PRRG1: variants seen among roughly 807,000 people sequenced by gnomAD.
PRRG1 encodes the protein transmembrane gamma-carboxyglutamic acid protein 1.
A neutral mutation model predicts 11.8 loss-of-function variants in PRRG1; 5 were observed. That is an observed-to-expected ratio of 0.42 (90% CI 0.22 to 0.89). The LOEUF (loss-of-function observed/expected upper bound fraction) is 0.89. Among genes scored for constraint, PRRG1 ranks in the 40% least tolerant of loss-of-function variants. The pLI is 0.28. For missense variants in PRRG1, 155 were observed against 166.1 expected (o/e 0.93, Z 0.37); for synonymous variants, 66 against 60.4 (o/e 1.09, Z -0.43).
At chrX:37,429,058 C>T (rs1212062094) in intron 3 of PRRG1, among the ~76,000 whole-genome samples, 3 of 112,386 alleles carry the variant, frequency 2.7e-5, no homozygotes, top group African/African-American at 9.7e-5. Flanking sequence ...AGTCCCTAGG[C>T]TGCACACAGC....
intron 1 of PRRG1, among the ~76,000 whole-genome samples, chrX:37,370,284 C>A (rs529669041): frequency 1.8e-5 from 2 of 112,236 alleles, no homozygotes; most frequent in South Asian, 7.5e-4. Flanking sequence ...ATTGTGAACA[C>A]TGCTGCAATG....
At chrX:37,350,725 C>G (rs976867935) in intron 1 of PRRG1, among the ~76,000 whole-genome samples, 3 of 111,106 alleles carry the variant, frequency 2.7e-5, no homozygotes, top group African/African-American at 9.9e-5. Context: ...TCCTCTCCAC[C>G]CCTTTCCCTC....
chrX:37,450,992 T>TTTTTTTTTTGTTTTGTTTTG (rs1921108963), intron 3 of PRRG1, among the ~76,000 whole-genome samples: 2 of 106,500 alleles, frequency 1.9e-5, no homozygotes, highest in Non-Finnish European at 3.9e-5. Flanking sequence ...ATTTTTGCTG[T>TTTTTTTTTTGTTTTGTTTTG]TTTTGTTTTG....
chrX:37,375,127 GTTA>G (rs1291748795), intron 1 of PRRG1, among the ~76,000 whole-genome samples: 6 of 111,694 alleles, frequency 5.4e-5, no homozygotes, highest in Non-Finnish European at 1.1e-4. Flanking sequence ...GTATCCCCCT[GTTA>G]TTATACAGGA....
chrX:37,435,502 G>T (rs921465764), intron 3 of PRRG1, among the ~76,000 whole-genome samples: 1 of 110,267 alleles, frequency 9.1e-6, no homozygotes, highest in African/African-American at 3.3e-5. Flanking sequence ...ATCAGCGGGT[G>T]GGGGGAGGTG....
intron 3 of PRRG1, among the ~76,000 whole-genome samples, chrX:37,434,570 T>G: frequency 8.9e-6 from 1 of 112,120 alleles, no homozygotes. Context: ...GTGTCTGAGC[T>G]CTGCCATCTA....
intron 1 of PRRG1, among the ~76,000 whole-genome samples, chrX:37,395,761 G>A (rs1358864773): frequency 2.7e-5 from 3 of 111,410 alleles, no homozygotes; most frequent in Non-Finnish European, 5.7e-5. Flanking sequence ...TTTCCAAAAG[G>A]TAGATAAAAT....
At chrX:37,366,610 C>T (rs976156438) in intron 1 of PRRG1, among the ~76,000 whole-genome samples, 1 of 112,145 alleles carries the variant, frequency 8.9e-6, no homozygotes, top group African/African-American at 3.2e-5. Flanking sequence ...GTGTGGCAAG[C>T]CAACCTAACA....
intron 3 of PRRG1, chrX:37,440,705 G>A (rs782187919): frequency 1.0e-5 from 5 of 497,238 alleles, no homozygotes; most frequent in Non-Finnish European, 1.4e-5. Flanking sequence ...ATTAACCTAG[G>A]TTTTATATTA....
intron 1 of PRRG1, among the ~76,000 whole-genome samples, chrX:37,352,845 A>G (rs138944534): frequency 0.019 from 2,126 of 111,887 alleles, 47 homozygotes; most frequent in African/African-American, 0.065. Flanking sequence ...TATGGACAAC[A>G]TGTGTGATGG....
In PRRG1 at chrX:37,398,003, CACACACACACACAT is replaced by C. The variant is rs1463023577; in HGVS notation, c.-41-8201_-41-8188del. Among the ~76,000 whole-genome samples, 254 of 100,153 alleles carry C rather than the reference CACACACACACACAT, an allele frequency of 2.5e-3. 3 individuals are homozygous for C. Among genetic ancestry groups the C allele is most frequent in the Admixed American group, 0.021 (204 of 9,650 alleles). The allele number at this position is 100,153 out of a possible 115,157, so 87.0% of individuals were successfully genotyped here. On this transcript the variant is annotated intron_variant, in intron 1 of 3. Transcript: ENST00000378628. Reference sequence around the variant, plus strand: ...ACACACACACACACACACACACACACACACACACACACATACACGCTGAAAGAAGGGACCAGATG... The same window carrying C: ...ACACACACACACACACACACACACACACACGCTGAAAGAAGGGACCAGATG...
chrX:37,399,419 A>G (rs1211919532), intron 1 of PRRG1, among the ~76,000 whole-genome samples: 15 of 108,671 alleles, frequency 1.4e-4, no homozygotes, highest in Non-Finnish European at 2.5e-4. Context: ...TACTTTACAG[A>G]CAAGCAAATG....
At chrX:37,446,668 T>G (rs1247863201) in intron 3 of PRRG1, among the ~76,000 whole-genome samples, 3 of 111,326 alleles carry the variant, frequency 2.7e-5, no homozygotes, top group African/African-American at 9.8e-5. Context: ...GACTAATTTA[T>G]AGAGAGGAGA....
chrX:37,419,266 G>T (rs1932591115), intron 2 of PRRG1, among the ~76,000 whole-genome samples: 1 of 111,468 alleles, frequency 9.0e-6, no homozygotes, highest in Admixed American at 9.5e-5. Flanking sequence ...GCTTATTTGT[G>T]GTCTGTTGTT....
intron 3 of PRRG1, among the ~76,000 whole-genome samples, chrX:37,448,042 C>T (rs1920990526): frequency 8.9e-6 from 1 of 112,213 alleles, no homozygotes; most frequent in African/African-American, 3.2e-5. Context: ...GGACAGGTAC[C>T]AATCCTCCCA....
intron 1 of PRRG1, among the ~76,000 whole-genome samples, chrX:37,397,623 T>C (rs1931762085): frequency 8.9e-6 from 1 of 111,997 alleles, no homozygotes; most frequent in African/African-American, 3.2e-5. Flanking sequence ...ATATCACTAT[T>C]GATATTGAAG....
At chrX:37,412,858 A>AT (rs1197316632) in intron 2 of PRRG1, among the ~76,000 whole-genome samples, 37 of 111,082 alleles carry the variant, frequency 3.3e-4, no homozygotes, top group Non-Finnish European at 6.6e-4. Flanking sequence ...AGCACTATTG[A>AT]TTTTTTTTAA....
chrX:37,431,061 C>T (rs1321622094), intron 3 of PRRG1, among the ~76,000 whole-genome samples: 3 of 111,757 alleles, frequency 2.7e-5, no homozygotes, highest in Non-Finnish European at 3.8e-5. Flanking sequence ...GAGATTAATC[C>T]AAGTTACATA....
chrX:37,356,489 A>C (rs1930236814), intron 1 of PRRG1, among the ~76,000 whole-genome samples: 1 of 111,197 alleles, frequency 9.0e-6, no homozygotes, highest in African/African-American at 3.3e-5. Flanking sequence ...CATGAATGAG[A>C]AGGGGTGAAT....
Sources: allele counts gnomAD v4.1 joint callset (sites outside exome capture counted in the v4.1 genomes callset), GRCh38; gene constraint gnomAD v4.1.1; transcripts MANE v1.5; gene names NCBI Gene and HGNC (gene_info 2026-07-23, HGNC 2026-07-21).